LYST: variants seen among roughly 807,000 people sequenced by gnomAD.
LYST encodes lysosomal trafficking regulator.
LYST carries 192 observed loss-of-function variants against 413.6 expected under a neutral mutation model. That is an observed-to-expected ratio of 0.46 (90% confidence interval 0.41 to 0.52). The LOEUF is 0.52. Ranked by LOEUF, LYST falls within the 20% of genes least tolerant of loss-of-function variation. The pLI is 0.00. For missense variants in LYST, 3,815 were observed against 4,499.9 expected (o/e 0.85, Z 4.35); for synonymous variants, 1,525 against 1,567.3 (o/e 0.97, Z 0.64).
chr1:235,722,407 T>C (rs1663456669), intron 39 of LYST, among the ~76,000 whole-genome samples: 4 of 152,142 alleles, frequency 2.6e-5, no homozygotes, highest in Admixed American at 2.6e-4. Flanking sequence ...GAAATGGTAG[T>C]GAAGGGACTG....
chr1:235,782,097 A>G lies in LYST; in HGVS notation c.4863-10T>C. On this transcript the variant is annotated splice_polypyrimidine_tract_variant and intron_variant, in intron 14 of 52. Transcript: ENST00000389793. ...AGTAACATCAGGCTTCCTACATTAA[A>G]AACAAAACAAAGTTAAAGCAATGAC... is the stretch of plus-strand genomic sequence containing the variant. 6.2e-7 allele frequency: 1 copy of G among 1,607,918 alleles called. No homozygotes were observed. Among genetic ancestry groups the G allele is most frequent in the Non-Finnish European group, 8.5e-7 (1 of 1,175,934 alleles).
Position 235,746,447 on chromosome 1 carries a change from T to C in LYST, c.7861A>G (p.Met2621Val), listed in dbSNP as rs760562286. The change falls in exon 29 of 53, where the codon ATG becomes GTG. Residue 2621 changes from methionine to valine, a missense_variant. Coordinates refer to ENST00000389793, the MANE Select transcript of LYST (RefSeq NM_000081.4). ...RSVANDELHVMMQRRMSQENP... is the reference protein window; with the variant it reads ...RSVANDELHVVMQRRMSQENP... ...TCTTGGCTCATTCTCCGTTGCATCA[T>C]CACATGAAGCTCATCATTTGCCACT... 6.2e-7 allele frequency: 1 copy of C among 1,613,976 alleles called. No individual in the cohort carries two copies. Among genetic ancestry groups the C allele is most frequent in the Non-Finnish European group, 8.5e-7 (1 of 1,179,890 alleles).
chr1:235,860,166 A>G (rs1008202336), intron 1 of LYST, among the ~76,000 whole-genome samples: 5 of 152,164 alleles, frequency 3.3e-5, no homozygotes, highest in Non-Finnish European at 7.4e-5. Flanking sequence ...GAAATCTTCT[A>G]TCCTCTTTTT....
In LYST at chr1:235,873,026, C is replaced by T. The variant is rs75630288; in HGVS notation, n.454+10161G>A. 2.1e-3 allele frequency among the ~76,000 whole-genome samples: 315 copies of T among 152,250 alleles called. 1 individual carries two copies. Among genetic ancestry groups the T allele is most frequent in the African/African-American group, 7.2e-3 (297 of 41,534 alleles). ...TGGCTTGCCTTAGAGTTTCCACGGC[C>T]TATCTTGAAGGAGAAAGAGAAGCAG... On this transcript the variant is annotated intron_variant and non_coding_transcript_variant, in intron 1 of 11. Transcript: ENST00000465349.
In LYST at chr1:235,825,557, T is replaced by C. The variant is rs1466526547; in HGVS notation, c.192+4669A>G. Among the ~76,000 whole-genome samples, 4 of 151,776 alleles carry C rather than the reference T, an allele frequency of 2.6e-5. No individual in the cohort carries two copies. In the East Asian group the frequency reaches 7.7e-4, roughly 29 times the overall value. On this transcript the variant is annotated intron_variant, in intron 3 of 52. Transcript: ENST00000389793. ...CTATGAGCAACAAACAACAGGAAAATAAAAAAATTTAAATACCATTTATAA... is the reference window on the plus strand; with the variant it reads ...CTATGAGCAACAAACAACAGGAAAACAAAAAAATTTAAATACCATTTATAA...
chr1:235,666,333 A>G (rs1658466276), intron 50 of LYST, among the ~76,000 whole-genome samples: 3 of 151,258 alleles, frequency 2.0e-5, no homozygotes, highest in Admixed American at 6.6e-5. Flanking sequence ...TGAAAACATC[A>G]TGCTAAGTGA....
chr1:235,775,022 A>G lies in LYST; in HGVS notation c.5525T>C (p.Ile1842Thr). 1 of 1,611,584 alleles carries G rather than the reference A, an allele frequency of 6.2e-7. No individual in the cohort carries two copies. Among genetic ancestry groups the G allele is most frequent in the East Asian group, 2.2e-5 (1 of 44,734 alleles). ...ATGTACTCTTTGTTGGTTGTATTTA[A>G]TTAATGAGAGTATAACTCGCAGTGC... ...ALALRVILSL[I>T]KYNQQRVHEL... The change falls in exon 18 of 53, where the codon ATT becomes ACT. Residue 1842 changes from isoleucine to threonine, a missense_variant. Ile to Thr is a moderately conservative substitution (Grantham distance 89, BLOSUM62 -1). Coordinates refer to ENST00000389793, the MANE Select transcript of LYST (RefSeq NM_000081.4).
chr1:235,878,892 T>C (rs1306132066), intron 1 of LYST, among the ~76,000 whole-genome samples: 1 of 152,236 alleles, frequency 6.6e-6, no homozygotes, highest in African/African-American at 2.4e-5. Context: ...ATTTAAATTT[T>C]TTTTTTACAG....
chr1:235,810,557 C>A (rs200965362), intron 4 of LYST, 23 bp from the exon 5 acceptor site: 2 of 1,595,614 alleles, frequency 1.3e-6, no homozygotes, highest in Non-Finnish European at 1.7e-6. Flanking sequence ...AAAAAGAAGG[C>A]TTAGAATACC....
At chr1:235,727,933 A>C (rs1204551538) in intron 38 of LYST, 143 bp downstream of exon 38, 4 of 636,008 alleles carry the variant, frequency 6.3e-6, no homozygotes, top group African/African-American at 5.5e-5. Flanking sequence ...ATTTAAAAAA[A>C]TGTTTGGAAC....
intron 1 of LYST, among the ~76,000 whole-genome samples, chr1:235,877,855 C>CA (rs59783076): frequency 0.39 from 43,998 of 113,448 alleles, 9,072 homozygotes; most frequent in East Asian, 0.78. Flanking sequence ...TATCTGCCAC[C>CA]AAAAAAAAAA....
At chr1:235,768,933 T>C (rs979977662) in intron 20 of LYST, among the ~76,000 whole-genome samples, 2 of 152,078 alleles carry the variant, frequency 1.3e-5, no homozygotes, top group African/African-American at 4.8e-5. Flanking sequence ...CAATAAAATG[T>C]TTTTGTGTTT....
At position 235,664,062 on chromosome 1, in the gene LYST, G is replaced by A; in HGVS notation, c.11196-7C>T. 1 of 1,606,008 alleles carries A rather than the reference G, an allele frequency of 6.2e-7. No individual in the cohort carries two copies. The highest frequency in any genetic ancestry group is 8.5e-7 in the Non-Finnish European group (1 of 1,172,866). ...GTCCCATGTGCTCCATAACCTAGAGGGGAAAAAAATCATCTAATTATGCAA... is the reference window on the plus strand; with the variant it reads ...GTCCCATGTGCTCCATAACCTAGAGAGGAAAAAAATCATCTAATTATGCAA... On this transcript the variant is annotated splice_polypyrimidine_tract_variant and splice_region_variant and intron_variant, in intron 51 of 52. Coordinates refer to ENST00000389793, the MANE Select transcript of LYST (RefSeq NM_000081.4). This position sits in a 1 kb window ranked among gnomAD's most constrained non-coding sequence, Gnocchi z 4.5.
chr1:235,706,841 C>T (rs1311393871), intron 44 of LYST, among the ~76,000 whole-genome samples: 4 of 152,028 alleles, frequency 2.6e-5, no homozygotes, highest in South Asian at 2.1e-4. Flanking sequence ...TGACTTCAGA[C>T]GTACTCAAAA....
intron 48 of LYST, among the ~76,000 whole-genome samples, chr1:235,683,265 T>C (rs1659966025): frequency 6.6e-6 from 1 of 152,252 alleles, no homozygotes. Flanking sequence ...CACCTTCTTT[T>C]AAATATTGTT....
intron 42 of LYST, among the ~76,000 whole-genome samples, chr1:235,714,432 AG>A (rs1185278357): frequency 2.0e-5 from 3 of 152,234 alleles, no homozygotes; most frequent in South Asian, 2.1e-4. Context: ...AGACAAACAT[AG>A]GAAAGCCCCT....
intron 50 of LYST, among the ~76,000 whole-genome samples, chr1:235,676,188 A>G (rs1659364061): frequency 6.6e-6 from 1 of 152,186 alleles, no homozygotes; most frequent in Non-Finnish European, 1.5e-5. Context: ...GGCAAACTAT[A>G]CTTCCATTTA....
At chr1:235,795,771 T>C (rs1186492912) in intron 10 of LYST, among the ~76,000 whole-genome samples, 2 of 151,984 alleles carry the variant, frequency 1.3e-5, no homozygotes, top group Non-Finnish European at 1.5e-5. Context: ...TCTAAAAAGG[T>C]TCATAAAAAT....
At chr1:235,831,445 G>T (rs1335994015) in intron 2 of LYST, among the ~76,000 whole-genome samples, 2 of 152,190 alleles carry the variant, frequency 1.3e-5, no homozygotes, top group Non-Finnish European at 2.9e-5. Flanking sequence ...TTGATGTCCT[G>T]AAAGGTCACG....
Sources: allele counts gnomAD v4.1 joint callset (sites outside exome capture counted in the v4.1 genomes callset), GRCh38; gene constraint gnomAD v4.1.1; non-coding constraint Gnocchi (gnomAD v3.1); transcripts MANE v1.5; gene names NCBI Gene and HGNC (gene_info 2026-07-23, HGNC 2026-07-21).